Variants in CWC27 observed in about 807,000 individuals in gnomAD.
CWC27 encodes spliceosome-associated protein CWC27 homolog.
A neutral mutation model predicts 63.6 loss-of-function variants in CWC27; 47 were observed. The observed-to-expected ratio is 0.74, with a 90% CI of 0.58 to 0.94. CWC27 has a LOEUF of 0.94. Ranked by LOEUF, CWC27 falls within the 40% of genes least tolerant of loss-of-function variation. CWC27 has a pLI of 0.00. For synonymous variants in CWC27, 175 were observed against 179.8 expected (o/e 0.97, Z 0.22); for missense variants, 495 against 554.3 (o/e 0.89, Z 1.07).
At chr5:64,888,055 C>T (rs1204603462) in intron 11 of CWC27, among the ~76,000 whole-genome samples, 1 of 151,648 alleles carries the variant, frequency 6.6e-6, no homozygotes, top group Non-Finnish European at 1.5e-5. Flanking sequence ...AACAGTACTC[C>T]GATTAGAGTA....
chr5:64,795,335 C>T (rs576468274), intron 7 of CWC27, among the ~76,000 whole-genome samples: 1 of 152,242 alleles, frequency 6.6e-6, no homozygotes, highest in South Asian at 2.1e-4. Context: ...AAGGTGTTAA[C>T]ATATTTTATT....
At chr5:64,985,409 T>G (rs1294689258) in intron 13 of CWC27, among the ~76,000 whole-genome samples, 1 of 152,234 alleles carries the variant, frequency 6.6e-6, no homozygotes, top group Non-Finnish European at 1.5e-5. Flanking sequence ...ATAAACATGA[T>G]TATGTCTCTC....
chr5:65,016,815 G>A (rs1409405165), intron 13 of CWC27, among the ~76,000 whole-genome samples: 1 of 152,148 alleles, frequency 6.6e-6, no homozygotes. Flanking sequence ...AGAGAGAAAA[G>A]AGTGAGGGAT....
At chr5:64,859,828 C>G (rs1746355043) in intron 10 of CWC27, among the ~76,000 whole-genome samples, 1 of 152,072 alleles carries the variant, frequency 6.6e-6, no homozygotes, top group Admixed American at 6.5e-5. Flanking sequence ...TGTACTGAAT[C>G]CTGTATGTTC....
At chr5:64,942,297 G>A (rs1329291626) in intron 11 of CWC27, among the ~76,000 whole-genome samples, 1 of 151,798 alleles carries the variant, frequency 6.6e-6, no homozygotes, top group Non-Finnish European at 1.5e-5. Flanking sequence ...GGGCATGGTG[G>A]TATGCACCTG....
chr5:64,826,393 G>A (rs1446602552), intron 10 of CWC27, among the ~76,000 whole-genome samples: 2 of 152,106 alleles, frequency 1.3e-5, no homozygotes, highest in Non-Finnish European at 2.9e-5. Context: ...CATTTATTGA[G>A]ACTTGTTTTT....
At chr5:64,978,083 A>C (rs1055710192) in intron 13 of CWC27, among the ~76,000 whole-genome samples, 1 of 152,218 alleles carries the variant, frequency 6.6e-6, no homozygotes, top group African/African-American at 2.4e-5. Flanking sequence ...CCCCTGTTTC[A>C]AAACTCTGTT....
chr5:64,824,332 A>G (rs1175146160), intron 10 of CWC27, among the ~76,000 whole-genome samples: 1 of 152,186 alleles, frequency 6.6e-6, no homozygotes, highest in Non-Finnish European at 1.5e-5. Flanking sequence ...CAATATTAGA[A>G]CTTTGTTATG....
intron 13 of CWC27, among the ~76,000 whole-genome samples, chr5:64,978,328 G>A (rs1412759090): frequency 2.0e-5 from 3 of 152,140 alleles, no homozygotes; most frequent in African/African-American, 4.8e-5. Context: ...GAAAGCACTT[G>A]TCTATTTCTC....
At chr5:64,929,303 C>G (rs1167309720) in intron 11 of CWC27, among the ~76,000 whole-genome samples, 2 of 152,064 alleles carry the variant, frequency 1.3e-5, no homozygotes, top group African/African-American at 2.4e-5. Flanking sequence ...CTGAAAGGAA[C>G]CAGGGTAATT....
rs1343084315 is a variant in CWC27, at chr5:64,783,563, A to T, written c.253-273A>T. Among the ~76,000 whole-genome samples, 3 of 152,228 alleles carry T rather than the reference A, an allele frequency of 2.0e-5. No individual in the cohort carries two copies. In the East Asian group the frequency reaches 5.8e-4, roughly 29 times the overall value. ...GGATGAGAATAGGGAAATGACTTAG[A>T]AATCCATTCCCCCTTGGGTACTCTT... On this transcript the variant is annotated intron_variant, in intron 3 of 13. Transcript: ENST00000381070.
At chr5:64,976,453 A>G (rs1749229479) in intron 12 of CWC27, among the ~76,000 whole-genome samples, 1 of 152,128 alleles carries the variant, frequency 6.6e-6, no homozygotes, top group South Asian at 2.1e-4. Flanking sequence ...TTGATTTCAC[A>G]TAACTTAGTG....
At chr5:64,971,870 G>A in intron 12 of CWC27, 58 bp downstream of exon 12, 1 of 1,070,180 alleles carries the variant, frequency 9.3e-7, no homozygotes, top group Non-Finnish European at 1.4e-6. Flanking sequence ...GTTTTTAAGT[G>A]TTTCTAAATG....
chr5:64,823,693 A>G (rs182005562), intron 10 of CWC27, among the ~76,000 whole-genome samples: 15 of 152,344 alleles, frequency 9.8e-5, no homozygotes, highest in African/African-American at 2.9e-4. Flanking sequence ...CTCTAAATAC[A>G]TAGGGAATCT....
At chr5:64,859,105 C>T (rs6886289) in intron 10 of CWC27, among the ~76,000 whole-genome samples, 55,235 of 152,064 alleles carry the variant, frequency 0.36, 10,607 homozygotes, top group East Asian at 0.51. Context: ...ACTGACACTA[C>T]AGTAATTTCT....
At chr5:64,878,095 C>T (rs982824188) in intron 10 of CWC27, among the ~76,000 whole-genome samples, 1 of 151,820 alleles carries the variant, frequency 6.6e-6, no homozygotes, top group Non-Finnish European at 1.5e-5. Flanking sequence ...CTTACTTAAA[C>T]TATTTTTCTG....
At chr5:64,928,155 C>CAAA (rs773276316) in intron 11 of CWC27, among the ~76,000 whole-genome samples, 1 of 126,576 alleles carries the variant, frequency 7.9e-6, no homozygotes, top group Non-Finnish European at 1.7e-5. Context: ...AACTCCTTCT[C>CAAA]AAAAAAAAAA....
intron 13 of CWC27, among the ~76,000 whole-genome samples, chr5:65,013,751 G>A (rs1441313329): frequency 6.6e-6 from 1 of 152,174 alleles, no homozygotes; most frequent in African/African-American, 2.4e-5. Context: ...TGCAACAATC[G>A]TAGGGTTGGG....
chr5:64,902,304 A>G (rs1464744998), intron 11 of CWC27, among the ~76,000 whole-genome samples: 1 of 152,176 alleles, frequency 6.6e-6, no homozygotes, highest in African/African-American at 2.4e-5. Context: ...TCACCAGGTG[A>G]TAGGAATTTT....
Sources: gnomAD v4.1 joint callset for allele counts (sites outside exome capture counted in the v4.1 genomes callset) on GRCh38, gnomAD v4.1.1 for gene constraint, MANE v1.5 for transcripts, NCBI Gene and HGNC (gene_info 2026-07-23, HGNC 2026-07-21) for gene names.